Variants in GDA observed in about 807,000 individuals in gnomAD.
GDA encodes guanine deaminase.
GDA carries 18 observed loss-of-function variants against 59.6 expected under a neutral mutation model. The observed-to-expected ratio is 0.30, with a 90% CI of 0.21 to 0.45. The LOEUF is 0.45. Among genes scored for constraint, GDA ranks in the 20% least tolerant of loss-of-function variants. The pLI, the probability that GDA is intolerant of heterozygous loss-of-function variation, is 1.00. For missense variants in GDA, 427 were observed against 552.3 expected, an observed-to-expected ratio of 0.77 and a Z score of 2.27; for synonymous variants, 201 against 201.1, an observed-to-expected ratio of 1.00 and a Z score of 0.00.
At chr9:72,147,186 T>C (rs558184010), upstream of GDA, among the ~76,000 whole-genome samples, 2 of 152,284 alleles carry the variant, frequency 1.3e-5, no homozygotes, top group Admixed American at 6.5e-5. Flanking sequence ...CATCGTAGCA[T>C]AGAAGCTGTT....
intron 1 of GDA, among the ~76,000 whole-genome samples, chr9:72,133,417 C>T (rs1826108316): frequency 1.3e-5 from 2 of 151,518 alleles, no homozygotes; most frequent in African/African-American, 4.8e-5. Context: ...AGCAGGTCAG[C>T]TATTTTATTA....
chr9:72,250,600 A>G lies in GDA; in HGVS notation c.*2258A>G, dbSNP rs974261321. 1.3e-6 allele frequency: 2 copies of G among 1,531,960 alleles called. No homozygotes were observed. The highest frequency in any genetic ancestry group is 1.2e-5 in the South Asian group (1 of 81,728). The allele number at this position is 1,531,960 out of a possible 1,614,324, so 94.9% of individuals were successfully genotyped here. On this transcript the variant is annotated 3_prime_UTR_variant, in exon 14 of 14. Transcript: ENST00000358399. ...TTATGTATGCTTTTTTTTCTGTACCACAGGCATTATCTATACCTGGGGCCA... is the reference window on the plus strand; with the variant it reads ...TTATGTATGCTTTTTTTTCTGTACCGCAGGCATTATCTATACCTGGGGCCA...
chr9:72,172,873 A>T (rs569511039), intron 1 of GDA, among the ~76,000 whole-genome samples: 1 of 152,124 alleles, frequency 6.6e-6, no homozygotes, highest in South Asian at 2.1e-4. Context: ...CATTTATTTG[A>T]GTGCCTTTAT....
intron 1 of GDA, chr9:72,193,843 A>G (rs1832847690): frequency 6.6e-6 from 1 of 152,144 alleles, no homozygotes; most frequent in Admixed American, 6.5e-5. Flanking sequence ...GCTGGGCTGA[A>G]CTCAAACCAC....
chr9:72,180,210 T>G (rs1433562413), intron 1 of GDA, among the ~76,000 whole-genome samples: 1 of 151,920 alleles, frequency 6.6e-6, no homozygotes, highest in Non-Finnish European at 1.5e-5. Context: ...TACAAAAATT[T>G]TCCAGGCATG....
At chr9:72,226,007 G>A (rs1376956434) in intron 8 of GDA, among the ~76,000 whole-genome samples, 1 of 150,498 alleles carries the variant, frequency 6.6e-6, no homozygotes, top group African/African-American at 2.5e-5. Flanking sequence ...GTGTGTGTGT[G>A]TGTGTGTGCG....
intron 1 of GDA, among the ~76,000 whole-genome samples, chr9:72,165,110 C>G (rs1829133124): frequency 6.6e-6 from 1 of 152,110 alleles, no homozygotes; most frequent in South Asian, 2.1e-4. Context: ...TCACAATTCA[C>G]TTGTGCTCAT....
At chr9:72,178,973 T>TCTTCTCC (rs1170556068) in intron 1 of GDA, among the ~76,000 whole-genome samples, 1 of 152,188 alleles carries the variant, frequency 6.6e-6, no homozygotes, top group African/African-American at 2.4e-5. Flanking sequence ...AAACAAACTG[T>TCTTCTCC]CTTCTCCAAA....
intron 1 of GDA, among the ~76,000 whole-genome samples, chr9:72,173,107 G>A (rs1013656600): frequency 6.6e-6 from 1 of 152,164 alleles, no homozygotes; most frequent in Non-Finnish European, 1.5e-5. Context: ...TCAGAAATTT[G>A]AAATCTGTTT....
intron 1 of GDA, among the ~76,000 whole-genome samples, chr9:72,178,084 TA>T (rs1405667856): frequency 6.6e-6 from 1 of 152,226 alleles, no homozygotes; most frequent in African/African-American, 2.4e-5. Flanking sequence ...GCAACACAGC[TA>T]CATGCTTTGA....
At chr9:72,123,247 G>C (rs1168400065) in intron 1 of GDA, among the ~76,000 whole-genome samples, 1 of 145,604 alleles carries the variant, frequency 6.9e-6, no homozygotes, top group East Asian at 2.1e-4. Flanking sequence ...GCAGTGGCGC[G>C]ATCTCGGCTC....
intron 1 of GDA, among the ~76,000 whole-genome samples, chr9:72,180,059 G>A (rs1314916222): frequency 6.6e-6 from 1 of 151,890 alleles, no homozygotes; most frequent in African/African-American, 2.4e-5. Context: ...CAGATTTCAA[G>A]TTTTTTTAAA....
chr9:72,213,677 C>T (rs1835693215), intron 4 of GDA, among the ~76,000 whole-genome samples: 1 of 151,870 alleles, frequency 6.6e-6, no homozygotes, highest in Admixed American at 6.6e-5. Context: ...GTGGCGGGCG[C>T]CTGTAGTCCC....
rs983969475 is a variant in GDA at position 72,248,598 on chromosome 9, A to G, written c.*256A>G. The G allele has an allele frequency of 3.2e-6, 4 of 1,247,710 alleles. No homozygotes were observed. Among genetic ancestry groups the G allele is most frequent in the African/African-American group, 3.0e-5 (2 of 65,810 alleles). The allele number at this position is 1,247,710 out of a possible 1,614,324, so 77.3% of individuals were successfully genotyped here. A position where few individuals can be genotyped will look rare whatever the true frequency, so the allele number is the denominator to read the frequency against. ...GCTCAGACTTACTTTAAGCTCAAACAGAAGGGAATGCTATTACTGGTGGTG... is the reference window on the plus strand; with the variant it reads ...GCTCAGACTTACTTTAAGCTCAAACGGAAGGGAATGCTATTACTGGTGGTG... On this transcript the variant is annotated 3_prime_UTR_variant, in exon 14 of 14. Coordinates refer to ENST00000358399, the MANE Select transcript of GDA (RefSeq NM_004293.5).
chr9:72,152,179 G>A lies in GDA; in HGVS notation c.123+2497G>A, dbSNP rs191510966. Among the ~76,000 whole-genome samples, 20 of 152,270 alleles carry A rather than the reference G, an allele frequency of 1.3e-4. No individual in the cohort carries two copies. The East Asian group carries it at 3.9e-3, about 29-fold the overall frequency. On this transcript the variant is annotated intron_variant, in intron 1 of 13. Coordinates refer to ENST00000358399, the MANE Select transcript of GDA (RefSeq NM_004293.5). Reference sequence around the variant, plus strand: ...ATGGGACAAGCTGTGTGAAGTATCAGGAGCTTATTTCTCCATTGCAAGTTT... The same window carrying A: ...ATGGGACAAGCTGTGTGAAGTATCAAGAGCTTATTTCTCCATTGCAAGTTT...
At chr9:72,169,892 A>G (rs1035457146) in intron 1 of GDA, among the ~76,000 whole-genome samples, 26 of 152,244 alleles carry the variant, frequency 1.7e-4, no homozygotes, top group African/African-American at 5.5e-4. Flanking sequence ...CAATTGCACC[A>G]TATATGACAG....
At position 72,210,758 on chromosome 9, in the gene GDA, C is replaced by T. The variant is rs751138545; in HGVS notation, c.456C>T (p.Leu152=). Residue 152 remains leucine (L), a synonymous_variant, in exon 4 of 14, where the codon CTC becomes CTT. Transcript: ENST00000358399. ...CAATTCACACTGACTCATCTCTGCTCCTTGCCGACATTACAGGTGAGCAAA... is the reference window on the plus strand; with the variant it reads ...CAATTCACACTGACTCATCTCTGCTTCTTGCCGACATTACAGGTGAGCAAA... The part of the protein sequence containing the change: ...FATIHTDSSL[L]LADITDKFGQ... The T allele has an allele frequency of 1.2e-6, 2 of 1,607,580 alleles. No homozygotes were observed. Among genetic ancestry groups the T allele is most frequent in the Admixed American group, 3.3e-5 (2 of 59,976 alleles).
intron 1 of GDA, among the ~76,000 whole-genome samples, chr9:72,170,560 TCTCC>T (rs1829839332): frequency 6.6e-6 from 1 of 152,216 alleles, no homozygotes; most frequent in Admixed American, 6.5e-5. Flanking sequence ...AGTGGGCCTG[TCTCC>T]CTCATTCGTA....
rs149732597 is a variant in GDA at position 72,117,380 on chromosome 9, A to G, written c.-100+2547A>G. Among the ~76,000 whole-genome samples, 1,264 of 152,252 alleles carry G rather than the reference A, an allele frequency of 8.3e-3. 19 individuals carry two copies. Among genetic ancestry groups the G allele is most frequent in the African/African-American group, 0.029 (1,211 of 41,532 alleles). Reference sequence around the variant, plus strand: ...TTTTTTTAATGTTAAAATGACCTTTATAAAATGATAATTTGAGAAATACAG... The same window carrying G: ...TTTTTTTAATGTTAAAATGACCTTTGTAAAATGATAATTTGAGAAATACAG... On this transcript the variant is annotated intron_variant, in intron 1 of 13. Coordinates refer to the GDA transcript ENST00000545168.
Sources: gnomAD v4.1 joint callset for allele counts (sites outside exome capture counted in the v4.1 genomes callset) on GRCh38, gnomAD v4.1.1 for gene constraint, MANE v1.5 for transcripts, NCBI Gene and HGNC (gene_info 2026-07-23, HGNC 2026-07-21) for gene names.